The following SFSWAP variants were observed in gnomAD, a reference collection of about 807,000 sequenced individuals.
SFSWAP encodes the protein splicing factor, suppressor of white-apricot homolog.
Under a neutral mutation model 100.7 loss-of-function variants are expected in SFSWAP, and 17 were observed. The ratio of observed to expected loss-of-function variants is 0.17; its 90% CI spans 0.12 to 0.25. SFSWAP has a LOEUF of 0.25. Ranked by LOEUF, SFSWAP falls within the 10% of genes least tolerant of loss-of-function variation. The pLI is 1.00. For missense variants in SFSWAP, 1,005 were observed against 1,262.6 expected, an observed-to-expected ratio of 0.80 and a Z score of 3.09; for synonymous variants, 504 against 510.1, an observed-to-expected ratio of 0.99 and a Z score of 0.16.
chr12:131,714,029 G>T lies in SFSWAP; in HGVS notation c.219-42G>T. 6.5e-7 allele frequency: 1 copy of T among 1,539,926 alleles called. No homozygotes were observed. ...AACATCACACACGCACACCAGTCTA[G>T]ACGTTAATTTCCTTTTATTGACCAG... is the stretch of plus-strand genomic sequence containing the variant. On this transcript the variant is annotated intron_variant, in intron 1 of 17. Coordinates refer to ENST00000261674, the MANE Select transcript of SFSWAP (RefSeq NM_004592.4). This position sits in a 1 kb window ranked among gnomAD's most constrained non-coding sequence, Gnocchi z 6.0.
Position 131,799,311 on chromosome 12 carries a change from A to T in SFSWAP, c.2791-112A>T. The T allele has an allele frequency of 6.5e-6, 8 of 1,225,116 alleles. No homozygotes were observed. In the South Asian group the frequency reaches 9.8e-5, roughly 15 times the overall value. 75.9% of individuals were successfully genotyped at this position (1,225,116 alleles called of 1,614,324 possible). A position where few individuals can be genotyped will look rare whatever the true frequency, so the allele number is the denominator to read the frequency against. On this transcript the variant is annotated intron_variant, in intron 17 of 17. Coordinates refer to ENST00000261674, the MANE Select transcript of SFSWAP (RefSeq NM_004592.4). The stretch of plus-strand genomic sequence containing the variant: ...ACAGCCAGGCTCCTCCGCCGCCCCC[A>T]CGGTGCTAGCACCGTCTGGTCTTGA...
chr12:131,761,819 C>T (rs2136234175), intron 11 of SFSWAP, among the ~76,000 whole-genome samples: 1 of 152,230 alleles, frequency 6.6e-6, no homozygotes, highest in African/African-American at 2.4e-5. Flanking sequence ...TTTTCAGCCT[C>T]GGTTTTCCCA....
chr12:131,759,499 G>A (rs10902446), intron 11 of SFSWAP, among the ~76,000 whole-genome samples: 20,537 of 152,178 alleles, frequency 0.13, 2,017 homozygotes, highest in East Asian at 0.52. Context: ...ACTGAATTCA[G>A]CTATGTATGA....
At chr12:131,758,612 A>C (rs1329741018) in intron 11 of SFSWAP, among the ~76,000 whole-genome samples, 8 of 152,248 alleles carry the variant, frequency 5.3e-5, no homozygotes, top group Admixed American at 4.6e-4. Context: ...GGAAAATATT[A>C]TAAAACTAGT....
chr12:131,766,017 A>G, intron 12 of SFSWAP, 101 bp from the exon 13 acceptor site: 2 of 1,190,066 alleles, frequency 1.7e-6, no homozygotes, highest in Non-Finnish European at 1.2e-6. Flanking sequence ...AGAAACTTTA[A>G]CTAACTGCAT....
At chr12:131,790,183 T>C (rs1426872788) in intron 15 of SFSWAP, among the ~76,000 whole-genome samples, 3 of 152,258 alleles carry the variant, frequency 2.0e-5, no homozygotes, top group Non-Finnish European at 4.4e-5. Context: ...TGTTGTGTGA[T>C]AATCCATTGC....
At chr12:131,779,728 CCT>C (rs1593181839) in intron 14 of SFSWAP, among the ~76,000 whole-genome samples, 1 of 152,152 alleles carries the variant, frequency 6.6e-6, no homozygotes, top group Admixed American at 6.5e-5. Flanking sequence ...TACACATTTG[CCT>C]CTCTGAATAT....
intron 13 of SFSWAP, among the ~76,000 whole-genome samples, chr12:131,772,779 C>T (rs186253536): frequency 1.3e-3 from 193 of 152,358 alleles, no homozygotes; most frequent in African/African-American, 4.5e-3. Context: ...CCTTTACACC[C>T]TGCCCTCTTG....
chr12:131,776,520 A>C (rs1175312433), intron 13 of SFSWAP, among the ~76,000 whole-genome samples: 1 of 152,274 alleles, frequency 6.6e-6, no homozygotes, highest in Non-Finnish European at 1.5e-5. Flanking sequence ...AGCAAGAAGC[A>C]TAACTGTAGA....
At position 131,730,255 on chromosome 12, in the gene SFSWAP, C is replaced by A. The variant is rs930863; in HGVS notation, c.1081+1827C>A. ...GGAGTCATGGGGCGCTGTGCTCTGC[C>A]CAGGATGCCTGCCCACTGAGGGACC... is the stretch of plus-strand genomic sequence containing the variant. On this transcript the variant is annotated intron_variant, in intron 7 of 17. Coordinates refer to ENST00000261674, the MANE Select transcript of SFSWAP (RefSeq NM_004592.4). The surrounding 1 kb of genome is among the most constrained non-coding windows in gnomAD (Gnocchi z 4.0). 0.52 allele frequency among the ~76,000 whole-genome samples: 78,543 copies of A among 152,128 alleles called. 22,133 individuals are homozygous for A. Among genetic ancestry groups the A allele is most frequent in the East Asian group, 0.95 (4,911 of 5,172 alleles).
chr12:131,785,157 T>G, intron 14 of SFSWAP: 1 of 1,535,680 alleles, frequency 6.5e-7, no homozygotes, highest in Non-Finnish European at 8.7e-7. Flanking sequence ...CAGGAAGTTA[T>G]CAGGCAGCCT....
At chr12:131,766,679 C>G (rs947150385) in intron 13 of SFSWAP, among the ~76,000 whole-genome samples, 1 of 152,122 alleles carries the variant, frequency 6.6e-6, no homozygotes, top group African/African-American at 2.4e-5. Flanking sequence ...ACCAGTATTG[C>G]GCTCACACGT....
chr12:131,771,950 C>T (rs924537235), intron 13 of SFSWAP, among the ~76,000 whole-genome samples: 4 of 152,176 alleles, frequency 2.6e-5, no homozygotes, highest in African/African-American at 7.2e-5. Context: ...CCTGAGCCAC[C>T]GCTCCCGGCC....
chr12:131,760,083 G>A (rs897436713), intron 11 of SFSWAP, among the ~76,000 whole-genome samples: 3 of 152,116 alleles, frequency 2.0e-5, no homozygotes, highest in Admixed American at 2.0e-4. Flanking sequence ...TATAAATCCA[G>A]TATTTAAATG....
intron 14 of SFSWAP, chr12:131,783,791 T>TC (rs1566055328): frequency 3.0e-5 from 2 of 67,070 alleles, no homozygotes; most frequent in African/African-American, 4.9e-5. Context: ...AAAAAAACAT[T>TC]TTATATATAT....
chr12:131,775,499 C>T (rs998502666), intron 13 of SFSWAP, among the ~76,000 whole-genome samples: 1 of 152,258 alleles, frequency 6.6e-6, no homozygotes, highest in Middle Eastern at 3.4e-3. Context: ...CAGCTGATTT[C>T]TCTGGTGTCC....
chr12:131,763,316 A>G (rs1482412282), intron 11 of SFSWAP, among the ~76,000 whole-genome samples: 1 of 152,092 alleles, frequency 6.6e-6, no homozygotes, highest in Admixed American at 6.5e-5. Context: ...CCTCTCAGTC[A>G]CCTGGTTTGC....
intron 7 of SFSWAP, among the ~76,000 whole-genome samples, chr12:131,743,929 C>T (rs191147909): frequency 1.3e-3 from 197 of 152,328 alleles, no homozygotes; most frequent in Non-Finnish European, 2.1e-3. Context: ...TGGAAGCTGC[C>T]AAGGCTTAGG....
In SFSWAP at chr12:131,711,981, C is replaced by T. The variant is rs1251557166; in HGVS notation, c.218+534C>T. On this transcript the variant is annotated intron_variant, in intron 1 of 17. Transcript: ENST00000261674. This position sits in a 1 kb window ranked among gnomAD's most constrained non-coding sequence, Gnocchi z 4.9. ...CCTTAACCTGTTATGCCCCCAGAGC[C>T]CTCAGTGGAGCGCCCGTACTTTGCC... The T allele has an allele frequency of 6.5e-6, 1 of 152,858 alleles. No individual in the cohort carries two copies. The highest frequency in any genetic ancestry group is 1.5e-5 in the Non-Finnish European group (1 of 68,504). 9.5% of individuals were successfully genotyped at this position (152,858 alleles called of 1,614,324 possible).
Sources: allele counts gnomAD v4.1 joint callset (sites outside exome capture counted in the v4.1 genomes callset), GRCh38; gene constraint gnomAD v4.1.1; non-coding constraint Gnocchi (gnomAD v3.1); transcripts MANE v1.5; gene names NCBI Gene and HGNC (gene_info 2026-07-23, HGNC 2026-07-21).